The following PPP4R3B variants were observed in gnomAD, a reference collection of about 807,000 sequenced individuals.
PPP4R3B encodes the protein serine/threonine-protein phosphatase 4 regulatory subunit 3B.
A neutral mutation model predicts 95.4 loss-of-function variants in PPP4R3B; 52 were observed. The observed-to-expected ratio is 0.54, with a 90% confidence interval of 0.44 to 0.69. The LOEUF (loss-of-function observed/expected upper bound fraction) is 0.69, where lower values mean the gene tolerates loss of function less well. Among genes scored for constraint, PPP4R3B ranks in the 30% least tolerant of loss-of-function variants. The pLI is 0.00. For missense variants in PPP4R3B, 1,003 were observed against 1,005.9 expected (o/e 1.00, Z 0.04); for synonymous variants, 407 against 343.9 (o/e 1.18, Z -2.03).
chr2:55,578,500 G>C (rs1417429418), intron 9 of PPP4R3B, among the ~76,000 whole-genome samples, 158 bp from the exon 10 acceptor site: 1 of 151,918 alleles, frequency 6.6e-6, no homozygotes, highest in Non-Finnish European at 1.5e-5. Context: ...GAACCATTCT[G>C]CAAGAAAACC....
chr2:55,559,648 C>T (rs1045619652), intron 15 of PPP4R3B, among the ~76,000 whole-genome samples: 3 of 152,190 alleles, frequency 2.0e-5, no homozygotes, highest in African/African-American at 7.2e-5. Flanking sequence ...CCATGTAACA[C>T]ATGCCTTGTT....
At chr2:55,616,322 T>C (rs1694916969) in intron 1 of PPP4R3B, among the ~76,000 whole-genome samples, 1 of 152,152 alleles carries the variant, frequency 6.6e-6, no homozygotes. Context: ...GATGACTATT[T>C]AAAATAAAAG....
At chr2:55,576,525 G>A (rs1301082021) in intron 11 of PPP4R3B, among the ~76,000 whole-genome samples, 1 of 151,878 alleles carries the variant, frequency 6.6e-6, no homozygotes, top group South Asian at 2.1e-4. Context: ...GGTGGATCAC[G>A]AGGTCAGGAG....
chr2:55,569,681 C>T (rs1687750348), intron 12 of PPP4R3B, among the ~76,000 whole-genome samples: 2 of 152,192 alleles, frequency 1.3e-5, no homozygotes, highest in African/African-American at 4.8e-5. Flanking sequence ...GTTCACACTC[C>T]TTATTCTGCC....
intron 16 of PPP4R3B, among the ~76,000 whole-genome samples, chr2:55,554,572 A>G (rs978404206): frequency 6.6e-6 from 1 of 152,230 alleles, no homozygotes; most frequent in African/African-American, 2.4e-5. Context: ...AATGTCTGTT[A>G]AAATCCTTTG....
chr2:55,600,426 CAAAAAAAAAAAAAAAA>C (rs60764774), intron 3 of PPP4R3B, among the ~76,000 whole-genome samples: 224 of 22,210 alleles, frequency 0.01, 6 homozygotes, highest in African/African-American at 0.034. Context: ...AACTCTGTCT[CAAAAAAAAAAAAAAAA>C]AAAAAAAAAA....
intron 7 of PPP4R3B, among the ~76,000 whole-genome samples, 176 bp downstream of exon 7, chr2:55,584,875 C>T (rs931926815): frequency 1.3e-5 from 2 of 151,960 alleles, no homozygotes; most frequent in African/African-American, 2.4e-5. Context: ...TTTTTTCTAA[C>T]AATAAACAAA....
Position 55,599,030 on chromosome 2 carries a change from T to C in PPP4R3B, c.307A>G (p.Lys103Glu), listed in dbSNP as rs758199931. ...TGTGTGACTTCCACTGATGGGTCTT[T>C]ACCTTGAACCTAAAAATATCCAAGT... ...IWEKICQVQG[K>E]DPSVEVTQDL... The change falls in exon 4 of 17, where the codon AAA becomes GAA. Residue 103 changes from lysine (K) to glutamate (E), a missense_variant. Coordinates refer to ENST00000616407, the MANE Select transcript of PPP4R3B (RefSeq NM_001122964.3). The C allele has an allele frequency of 2.5e-6, 4 of 1,599,730 alleles. No homozygotes were observed. Among genetic ancestry groups the C allele is most frequent in the South Asian group, 2.3e-5 (2 of 88,414 alleles).
At position 55,617,403 on chromosome 2, in the gene PPP4R3B, A is replaced by G; in HGVS notation, c.-118T>C. The G allele has an allele frequency of 8.2e-7, 1 of 1,220,946 alleles. No individual in the cohort carries two copies. The highest frequency in any genetic ancestry group is 1.1e-6 in the Non-Finnish European group (1 of 925,058). 75.6% of individuals were successfully genotyped at this position (1,220,946 alleles called of 1,614,324 possible). A position where few individuals can be genotyped will look rare whatever the true frequency, so the allele number is the denominator to read the frequency against. On this transcript the variant is annotated 5_prime_UTR_variant, in exon 1 of 17. Coordinates refer to ENST00000616407, the MANE Select transcript of PPP4R3B (RefSeq NM_001122964.3). Reference sequence around the variant, plus strand: ...GGTGGCGGCGGCGGCGGCTTCGGAGAGGCCCGAATTCACCATGGCTCCAAA... The same window carrying G: ...GGTGGCGGCGGCGGCGGCTTCGGAGGGGCCCGAATTCACCATGGCTCCAAA...
intron 3 of PPP4R3B, among the ~76,000 whole-genome samples, chr2:55,601,937 A>C (rs1342495688): frequency 3.3e-5 from 5 of 152,174 alleles, no homozygotes; most frequent in Non-Finnish European, 7.3e-5. Context: ...TGAATAATTA[A>C]ACTAAACTAA....
chr2:55,610,642 TCA>T (rs1356738553), intron 2 of PPP4R3B, among the ~76,000 whole-genome samples: 1 of 152,232 alleles, frequency 6.6e-6, no homozygotes. Context: ...CTGTATAATC[TCA>T]GTCAAGAATC....
At chr2:55,591,565 T>C (rs1194057748) in intron 4 of PPP4R3B, 2 of 984,382 alleles carry the variant, frequency 2.0e-6, no homozygotes, top group Non-Finnish European at 2.4e-6. Flanking sequence ...TACATCTTCA[T>C]CCTTTACTAC....
intron 12 of PPP4R3B, among the ~76,000 whole-genome samples, chr2:55,572,769 A>C (rs1166193893): frequency 6.6e-6 from 1 of 152,204 alleles, no homozygotes; most frequent in Non-Finnish European, 1.5e-5. Context: ...TATTTACCAC[A>C]GTGAGATGTG....
chr2:55,601,044 G>A (rs966948256), intron 3 of PPP4R3B, among the ~76,000 whole-genome samples: 16 of 151,406 alleles, frequency 1.1e-4, no homozygotes, highest in African/African-American at 3.9e-4. Context: ...CTATTAGGGA[G>A]GCTGAAGTGA....
At chr2:55,557,886 A>C (rs1686060988) in intron 16 of PPP4R3B, among the ~76,000 whole-genome samples, 2 of 152,214 alleles carry the variant, frequency 1.3e-5, no homozygotes, top group Admixed American at 1.3e-4. Flanking sequence ...TTTATAAAAA[A>C]AGTAACCAAG....
chr2:55,571,766 C>T (rs1353931047), intron 12 of PPP4R3B, among the ~76,000 whole-genome samples: 1 of 152,158 alleles, frequency 6.6e-6, no homozygotes, highest in Non-Finnish European at 1.5e-5. Context: ...GCTGGGATTA[C>T]AGACATACAC....
intron 4 of PPP4R3B, among the ~76,000 whole-genome samples, chr2:55,593,691 G>C (rs1691348836): frequency 6.6e-6 from 1 of 152,048 alleles, no homozygotes; most frequent in Non-Finnish European, 1.5e-5. Flanking sequence ...GATTGCTTGA[G>C]GCCAGGTAAG....
chr2:55,582,096 CAT>C (rs1689521631), intron 7 of PPP4R3B, among the ~76,000 whole-genome samples: 2 of 152,024 alleles, frequency 1.3e-5, no homozygotes, highest in African/African-American at 4.8e-5. Context: ...GACCCTAAGA[CAT>C]AAATTATCTC....
At chr2:55,586,950 T>A (rs995525688) in intron 5 of PPP4R3B, among the ~76,000 whole-genome samples, 17 of 152,164 alleles carry the variant, frequency 1.1e-4, no homozygotes, top group African/African-American at 3.4e-4. Context: ...AAAAGAGAAA[T>A]CCACCAATAC....
Sources: gnomAD v4.1 joint callset for allele counts (sites outside exome capture counted in the v4.1 genomes callset) on GRCh38, gnomAD v4.1.1 for gene constraint, MANE v1.5 for transcripts, NCBI Gene and HGNC (gene_info 2026-07-23, HGNC 2026-07-21) for gene names.